The following RPL26 variants were observed in gnomAD, a reference collection of about 807,000 sequenced individuals.
RPL26 encodes ribosomal protein L26, also known as large ribosomal subunit protein uL24.
RPL26 carries 1 observed loss-of-function variant against 16.2 expected under a neutral mutation model. The ratio of observed to expected loss-of-function variants is 0.06; its 90% CI spans 0.02 to 0.29. The LOEUF is 0.29. RPL26 is among the 10% of genes least tolerant of loss of function. The probability of loss-of-function intolerance (pLI) is 1.00; values close to 1 mark genes in which losing one functional copy is unlikely to be tolerated. For missense variants in RPL26, 102 were observed against 184.3 expected (o/e 0.55, Z 2.58); for synonymous variants, 55 against 62.4 (o/e 0.88, Z 0.56).
chr17:8,380,318 G>T (rs929283561), intron 2 of RPL26, among the ~76,000 whole-genome samples: 11 of 152,226 alleles, frequency 7.2e-5, no homozygotes, highest in African/African-American at 2.7e-4. Flanking sequence ...TCTTGCATTG[G>T]TATGTATTGA....
At chr17:8,379,624 A>G in intron 3 of RPL26, 172 bp downstream of exon 3, 1 of 624,052 alleles carries the variant, frequency 1.6e-6, no homozygotes, top group Non-Finnish European at 2.8e-6. Context: ...TGTCAGAAAC[A>G]TTTTAAATGG....
At position 8,377,546 on chromosome 17, in the gene RPL26, C is replaced by T. The variant is rs756142285; in HGVS notation, c.*18G>A. ...TCTTTGTTTCAAGTTTTAATCAAAG[C>T]TTGTATATAAGATTACTTTATTCCT... On this transcript the variant is annotated 3_prime_UTR_variant, in exon 4 of 4. Coordinates refer to ENST00000648839, the MANE Select transcript of RPL26 (RefSeq NM_000987.5). 6 of 1,565,138 alleles carry T rather than the reference C, an allele frequency of 3.8e-6. No individual in the cohort carries two copies. Among genetic ancestry groups the T allele is most frequent in the Non-Finnish European group, 5.2e-6 (6 of 1,162,176 alleles).
chr17:8,378,320 A>G (rs928512182), intron 3 of RPL26, among the ~76,000 whole-genome samples: 8 of 152,132 alleles, frequency 5.3e-5, no homozygotes, highest in Non-Finnish European at 8.8e-5. Flanking sequence ...TGGGCGATCA[A>G]TCGAGACTCC....
In RPL26 at chr17:8,379,585, CAG is replaced by C. The variant is rs1907318999; in HGVS notation, c.309+209_309+210del. ...CAAGACTGTCTCAAAAACAAACTAA[CAG>C]AAACATAATGACCGTTAACACTTTG... On this transcript the variant is annotated intron_variant, in intron 3 of 3. Coordinates refer to ENST00000648839, the MANE Select transcript of RPL26 (RefSeq NM_000987.5). The C allele has an allele frequency of 5.1e-6, 3 of 586,518 alleles. No individual in the cohort carries two copies. In the East Asian group the frequency reaches 8.6e-5, roughly 17 times the overall value. The allele number at this position is 586,518 out of a possible 1,614,324, so 36.3% of individuals were successfully genotyped here.
At position 8,377,707 on chromosome 17, in the gene RPL26, G is replaced by A; in HGVS notation, c.310-15C>T. The stretch of plus-strand genomic sequence containing the variant: ...GTGATAACCACCTGCAGAAAAATAA[G>A]AAAAAAACACTCCCAAGCTTTAAAT... On this transcript the variant is annotated splice_polypyrimidine_tract_variant and intron_variant, in intron 3 of 3. Transcript: ENST00000648839. 5 of 1,591,698 alleles carry A rather than the reference G, an allele frequency of 3.1e-6. No homozygotes were observed. In the Admixed American group the frequency reaches 7.2e-5, roughly 23 times the overall value.
intron 1 of RPL26, 27 bp downstream of exon 1, chr17:8,383,130 A>G (rs1597497075): frequency 5.0e-6 from 2 of 398,606 alleles, no homozygotes; most frequent in South Asian, 2.5e-4. Context: ...GCTGCTGATT[A>G]CACCCGCTTG....
intron 3 of RPL26, chr17:8,379,414 G>T: frequency 8.4e-6 from 2 of 237,860 alleles, no homozygotes; most frequent in Non-Finnish European, 1.6e-5. Flanking sequence ...GTACTAAGAA[G>T]TACAAAAATT....
chr17:8,380,409 ACTG>A (rs1226063476), intron 2 of RPL26, among the ~76,000 whole-genome samples: 1 of 152,196 alleles, frequency 6.6e-6, no homozygotes, highest in East Asian at 1.9e-4. Context: ...CTCAACCCAC[ACTG>A]CTTGTTTGGG....
chr17:8,382,479 G>A lies in RPL26; in HGVS notation c.-5-164C>T, dbSNP rs59153671. On this transcript the variant is annotated intron_variant, in intron 1 of 3. Transcript: ENST00000648839. Reference sequence around the variant, plus strand: ...TGATCGGAAGGGCCTATCAACCGAAGCTCGAAACTTTTTATTTTTTGTTTT... The same window carrying A: ...TGATCGGAAGGGCCTATCAACCGAAACTCGAAACTTTTTATTTTTTGTTTT... 4.0e-3 allele frequency: 2,305 copies of A among 572,282 alleles called. 38 individuals are homozygous for A. Among genetic ancestry groups the A allele is most frequent in the African/African-American group, 0.039 (2,056 of 52,316 alleles). 35.5% of individuals were successfully genotyped at this position (572,282 alleles called of 1,614,324 possible). A position where few individuals can be genotyped will look rare whatever the true frequency, so the allele number is the denominator to read the frequency against.
chr17:8,379,700 A>C, intron 3 of RPL26, 96 bp downstream of exon 3: 2 of 1,160,028 alleles, frequency 1.7e-6, no homozygotes, highest in Non-Finnish European at 2.5e-6. Context: ...GCACATGTAA[A>C]ATCAAGGACT....
chr17:8,379,971 TAAAAGATTA>T, intron 2 of RPL26, 35 bp from the exon 3 acceptor site: 1 of 1,565,638 alleles, frequency 6.4e-7, no homozygotes, highest in Non-Finnish European at 8.8e-7. Context: ...AATATTTGAA[TAAAAGATTA>T]ACCTTGTAAA....
rs975179968 is a variant in RPL26 at position 8,383,162 on chromosome 17, C to G, written c.-11G>C. On this transcript the variant is annotated 5_prime_UTR_variant, in exon 1 of 4. Transcript: ENST00000648839. ...CTTGCCCGCCGAATCCTTACCCGCT[C>G]CCGCTTCGGTGATGGCCGCAAAAGG... The G allele has an allele frequency of 5.0e-6, 2 of 398,732 alleles. No homozygotes were observed. The highest frequency in any genetic ancestry group is 8.8e-6 in the Non-Finnish European group (2 of 226,120). 24.7% of individuals were successfully genotyped at this position (398,732 alleles called of 1,614,324 possible).
intron 3 of RPL26, among the ~76,000 whole-genome samples, chr17:8,378,770 G>C (rs1907274978): frequency 6.6e-6 from 1 of 152,166 alleles, no homozygotes; most frequent in African/African-American, 2.4e-5. Flanking sequence ...TCATATTCTA[G>C]TATAGGGAGC....
At position 8,377,572 on chromosome 17, in the gene RPL26, G is replaced by T. The variant is rs749599297; in HGVS notation, c.430C>A (p.Gln144Lys). The T allele has an allele frequency of 1.9e-6, 3 of 1,590,686 alleles. No homozygotes were observed. Among genetic ancestry groups the T allele is most frequent in the Non-Finnish European group, 2.6e-6 (3 of 1,175,474 alleles). ...KYKEETIEKM[Q>K]E ...TTGTATATAAGATTACTTTATTCCT[G>T]CATCTTCTCAATGGTTTCTTCCTTG... Residue 144 changes from glutamine to lysine, a missense_variant, in exon 4 of 4, where the codon CAG becomes AAG. Transcript: ENST00000648839.
At chr17:8,378,870 C>G (rs1486834655) in intron 3 of RPL26, among the ~76,000 whole-genome samples, 1 of 152,132 alleles carries the variant, frequency 6.6e-6, no homozygotes, top group Non-Finnish European at 1.5e-5. Context: ...AGTGATCAAG[C>G]AAAGCCCTAC....
chr17:8,378,165 T>C (rs564794925), intron 3 of RPL26, among the ~76,000 whole-genome samples: 13 of 152,280 alleles, frequency 8.5e-5, no homozygotes, highest in African/African-American at 2.2e-4. Flanking sequence ...ACCCCTTCTC[T>C]ACTAAAAATA....
intron 3 of RPL26, 25 bp from the exon 4 acceptor site, chr17:8,377,717 C>T (rs748233969): frequency 1.9e-6 from 3 of 1,592,606 alleles, no homozygotes; most frequent in South Asian, 2.3e-5. Context: ...GAAAAAAACA[C>T]TCCCAAGCTT....
chr17:8,377,820 C>G lies in RPL26; in HGVS notation c.310-128G>C, dbSNP rs1196179299. ...GATGCCTAATAAGAAAAGATTTTAA[C>G]TTTTAAAAAACTCCAGAAATCACTC... On this transcript the variant is annotated intron_variant, in intron 3 of 3. Transcript: ENST00000648839. The G allele has an allele frequency of 6.3e-6, 5 of 797,032 alleles. No homozygotes were observed. In the African/African-American group the frequency reaches 8.7e-5, roughly 14 times the overall value. The allele number at this position is 797,032 out of a possible 1,614,324, so 49.4% of individuals were successfully genotyped here.
intron 2 of RPL26, 84 bp downstream of exon 2, chr17:8,382,059 A>G (rs1907442087): frequency 8.1e-7 from 1 of 1,228,888 alleles, no homozygotes; most frequent in Non-Finnish European, 1.2e-6. Flanking sequence ...TCTCAGAAGC[A>G]TCTTTCTCAG....
Sources: gnomAD v4.1 joint callset for allele counts (sites outside exome capture counted in the v4.1 genomes callset) on GRCh38, gnomAD v4.1.1 for gene constraint, MANE v1.5 for transcripts, NCBI Gene and HGNC (gene_info 2026-07-23, HGNC 2026-07-21) for gene names.